The following GGA2 variants were observed in gnomAD, a reference collection of about 807,000 sequenced individuals.
GGA2 encodes ADP-ribosylation factor-binding protein GGA2.
Under a neutral mutation model 79.5 loss-of-function variants are expected in GGA2, and 48 were observed. The ratio of observed to expected loss-of-function variants is 0.60; its 90% CI spans 0.48 to 0.77. The LOEUF (loss-of-function observed/expected upper bound fraction) is 0.77, where lower values mean the gene tolerates loss of function less well. Among genes scored for constraint, GGA2 ranks in the 30% least tolerant of loss-of-function variants. GGA2 has a pLI of 0.00. For missense variants in GGA2, 770 were observed against 774.0 expected (o/e 0.99, Z 0.06); for synonymous variants, 317 against 302.0 (o/e 1.05, Z -0.51).
At position 23,517,323 on chromosome 16, in the gene GGA2, G is replaced by A. The variant is rs1427813584; in HGVS notation, c.61+2264C>T. Among the ~76,000 whole-genome samples the A allele has an allele frequency of 4.8e-4, 8 of 16,536 alleles. 3 individuals carry two copies. Among genetic ancestry groups the A allele is most frequent in the East Asian group, 3.7e-3 (4 of 1,078 alleles). The allele number at this position is 16,536 out of a possible 152,430, so 10.8% of individuals were successfully genotyped here. The stretch of plus-strand genomic sequence containing the variant: ...CGGCTCACTGCAAGCTCCGCCTCCC[G>A]GGTTCACGCCATTCTCCTGCCTCAG... On this transcript the variant is annotated intron_variant, in intron 2 of 5. Coordinates refer to the GGA2 transcript ENST00000569300.
chr16:23,473,745 CA>C (rs1166186440), intron 14 of GGA2, among the ~76,000 whole-genome samples: 1 of 152,072 alleles, frequency 6.6e-6, no homozygotes, highest in Non-Finnish European at 1.5e-5. Context: ...AAAACTAATA[CA>C]AAAATTTCTA....
intron 1 of GGA2, among the ~76,000 whole-genome samples, chr16:23,507,722 C>T (rs1451245060): frequency 6.6e-6 from 1 of 152,136 alleles, no homozygotes; most frequent in Non-Finnish European, 1.5e-5. Context: ...ATTGCTTGAA[C>T]CAAGGAGGCA....
Position 23,478,414 on chromosome 16 carries a change from T to A in GGA2, c.1246A>T (p.Arg416Trp). 1 of 1,610,994 alleles carries A rather than the reference T, an allele frequency of 6.2e-7. No individual in the cohort carries two copies. Among genetic ancestry groups the A allele is most frequent in the Non-Finnish European group, 8.5e-7 (1 of 1,177,958 alleles). The part of the protein sequence containing the change: ...GGGVQNPSAD[R>W]NLLDLLSAQP... ...GCTGAGAGGAGGTCCAGCAAATTCCTGTCTGCAGAAGGGTTCTGAACACCA... is the reference window on the plus strand; with the variant it reads ...GCTGAGAGGAGGTCCAGCAAATTCCAGTCTGCAGAAGGGTTCTGAACACCA... Residue 416 changes from arginine to tryptophan, a missense_variant, in exon 13 of 17, where the codon AGG becomes TGG. Arg to Trp is a moderately radical substitution (Grantham distance 101). Coordinates refer to ENST00000309859, the MANE Select transcript of GGA2 (RefSeq NM_015044.4).
intron 11 of GGA2, 66 bp downstream of exon 11, chr16:23,479,699 G>C: frequency 6.3e-7 from 1 of 1,582,776 alleles, no homozygotes. Flanking sequence ...GCTCCGCGAA[G>C]GGAACCAGCT....
At chr16:23,482,846 G>A (rs1964664429) in intron 9 of GGA2, 77 bp downstream of exon 9, 3 of 883,966 alleles carry the variant, frequency 3.4e-6, no homozygotes, top group East Asian at 2.4e-5. Flanking sequence ...CTTGTTCCTG[G>A]CACAGCAGTG....
Position 23,478,923 on chromosome 16 carries a change from G to T in GGA2, c.1130-12C>A. On this transcript the variant is annotated splice_polypyrimidine_tract_variant and intron_variant, in intron 11 of 16. Transcript: ENST00000309859. ...AGCATCACTGATTCCTGTAAGAAAG[G>T]AGTAGAGTGAGATGCCTAACAGTAA... 6.3e-7 allele frequency: 1 copy of T among 1,587,858 alleles called. No individual in the cohort carries two copies. The highest frequency in any genetic ancestry group is 1.1e-5 in the South Asian group (1 of 90,566).
At chr16:23,515,717 T>A (rs1440708928) in intron 2 of GGA2, among the ~76,000 whole-genome samples, 3 of 152,146 alleles carry the variant, frequency 2.0e-5, no homozygotes, top group African/African-American at 7.2e-5. Flanking sequence ...TTTCAGGCAT[T>A]CAGGTTTGGA....
chr16:23,468,303 G>A (rs1964467530), intron 16 of GGA2, among the ~76,000 whole-genome samples: 1 of 151,700 alleles, frequency 6.6e-6, no homozygotes, highest in African/African-American at 2.4e-5. Context: ...TCACTCTCCC[G>A]AGTAGCTGAG....
At chr16:23,522,578 C>G (rs896221431), upstream of GGA2, 1 of 151,996 alleles carries the variant, frequency 6.6e-6, no homozygotes, top group African/African-American at 2.4e-5. Flanking sequence ...TTAATGGATT[C>G]TGTATTAGAA....
intron 1 of GGA2, among the ~76,000 whole-genome samples, chr16:23,496,955 TAA>T (rs572552890): frequency 3.7e-4 from 46 of 122,998 alleles, no homozygotes; most frequent in Non-Finnish European, 3.5e-4. Context: ...AGACTCCATC[TAA>T]AAAAAAAAAA....
In GGA2 at chr16:23,466,749, T is replaced by C. The variant is rs1964441890; in HGVS notation, c.*841A>G. ...GTTGGCCGATTCATCATGACTGACA[T>C]GGTGTGTCACAAAGAGCTCCAAGTA... On this transcript the variant is annotated 3_prime_UTR_variant, in exon 17 of 17. Transcript: ENST00000309859. 6.5e-6 allele frequency: 1 copy of C among 152,730 alleles called. No individual in the cohort carries two copies. The highest frequency in any genetic ancestry group is 6.5e-5 in the Admixed American group (1 of 15,274). 9.5% of individuals were successfully genotyped at this position (152,730 alleles called of 1,614,324 possible).
chr16:23,495,087 AAAAAG>A (rs57841058), intron 2 of GGA2, among the ~76,000 whole-genome samples: 106,899 of 146,772 alleles, frequency 0.73, 39,295 homozygotes, highest in Non-Finnish European at 0.8. Flanking sequence ...GGAAAAAAAA[AAAAAG>A]AAAAGAAAAG....
At chr16:23,523,453 A>C (rs1965173479), upstream of GGA2, 1 of 152,216 alleles carries the variant, frequency 6.6e-6, no homozygotes, top group Non-Finnish European at 1.5e-5. Flanking sequence ...TAGGGAAGGG[A>C]GACACAGGCT....
At chr16:23,517,820 C>T (rs987243906) in intron 2 of GGA2, among the ~76,000 whole-genome samples, 33 of 152,046 alleles carry the variant, frequency 2.2e-4, no homozygotes, top group Non-Finnish European at 4.1e-4. Flanking sequence ...AGGATGGTCT[C>T]GATTTCCTAA....
chr16:23,480,702 G>A lies in GGA2; in HGVS notation c.949C>T (p.Arg317Trp), dbSNP rs1023217523. The change falls in exon 10 of 17, where the codon CGG (arginine) becomes TGG (tryptophan). Residue 317 changes from arginine to tryptophan, a missense_variant. Physicochemically the swap from Arg to Trp is moderately radical, Grantham distance 101. Transcript: ENST00000309859. The part of the protein sequence containing the change: ...VLLYKQVMEG[R>W]VTFGNRVTSS... ...GTCACTCTGTTTCCAAAGGTGACCC[G>A]GCCCTCCATCACCTGTTTGTACAGC... 4.5e-5 allele frequency: 73 copies of A among 1,612,958 alleles called. No individual in the cohort carries two copies. The highest frequency in any genetic ancestry group is 5.7e-5 in the Non-Finnish European group (67 of 1,178,940).
At chr16:23,506,544 G>A (rs1367922449) in intron 1 of GGA2, among the ~76,000 whole-genome samples, 1 of 152,190 alleles carries the variant, frequency 6.6e-6, no homozygotes, top group African/African-American at 2.4e-5. Flanking sequence ...TTATGACTGG[G>A]AGGAAGGGTG....
chr16:23,479,785 T>G lies in GGA2; in HGVS notation c.1109A>C (p.His370Pro), dbSNP rs758871543. ...QMGTVVPSLLHQDLAALGISD... is the reference protein window; with the variant it reads ...QMGTVVPSLLPQDLAALGISD... ...CTCACCCAAGGCTGCCAGGTCCTGA[T>G]GAAGCAAAGATGGCACCACAGTCCC... The change falls in exon 11 of 17, where the codon CAT becomes CCT. Residue 370 changes from histidine to proline, a missense_variant. By Grantham distance (77) the His-to-Pro change is moderately conservative (BLOSUM62 -2). Transcript: ENST00000309859. 6.2e-7 allele frequency: 1 copy of G among 1,614,136 alleles called. No individual in the cohort carries two copies. The highest frequency in any genetic ancestry group is 8.5e-7 in the Non-Finnish European group (1 of 1,180,004).
intron 1 of GGA2, 68 bp downstream of exon 1, chr16:23,510,253 C>A: frequency 9.5e-7 from 1 of 1,054,730 alleles, no homozygotes; most frequent in Non-Finnish European, 1.3e-6. Flanking sequence ...AGCAAGGCCC[C>A]GGGAGGCGGG....
chr16:23,492,115 G>A (rs981927637), intron 4 of GGA2, among the ~76,000 whole-genome samples: 13 of 152,192 alleles, frequency 8.5e-5, no homozygotes, highest in African/African-American at 3.1e-4. Context: ...CTTTGTTTCC[G>A]TTCCTGGCAC....
Sources: gnomAD v4.1 joint callset for allele counts (sites outside exome capture counted in the v4.1 genomes callset) on GRCh38, gnomAD v4.1.1 for gene constraint, MANE v1.5 for transcripts, NCBI Gene and HGNC (gene_info 2026-07-23, HGNC 2026-07-21) for gene names.